Variants in SLC24A2 observed in about 807,000 individuals in gnomAD.
The protein encoded by SLC24A2 is sodium/potassium/calcium exchanger 2.
SLC24A2 carries 36 observed loss-of-function variants against 62.0 expected under a neutral mutation model. That is an observed-to-expected ratio of 0.58 (90% confidence interval 0.44 to 0.77). SLC24A2 has a LOEUF of 0.77. Ranked by LOEUF, SLC24A2 falls within the 30% of genes least tolerant of loss-of-function variation. SLC24A2 has a pLI of 0.00. For missense variants in SLC24A2, 846 were observed against 817.9 expected, an observed-to-expected ratio of 1.03 and a Z score of -0.42; for synonymous variants, 358 against 294.0, an observed-to-expected ratio of 1.22 and a Z score of -2.23.
At chr9:20,227,110 CGTT>C in the SLC24A2 span, among the ~76,000 whole-genome samples, 1 of 152,076 alleles carries the variant, frequency 6.6e-6, no homozygotes, top group African/African-American at 2.4e-5. Flanking sequence ...TTTATGCTCT[CGTT>C]GGCTCTGAAT....
At chr9:20,266,258 G>A in the SLC24A2 span, among the ~76,000 whole-genome samples, 8 of 152,050 alleles carry the variant, frequency 5.3e-5, no homozygotes, top group East Asian at 3.9e-4. Flanking sequence ...GGGGCATCAC[G>A]GAACCTACTG....
chr9:20,242,552 G>A, the SLC24A2 span, among the ~76,000 whole-genome samples: 1 of 152,182 alleles, frequency 6.6e-6, no homozygotes, highest in Non-Finnish European at 1.5e-5. Flanking sequence ...CAGCTTTCAA[G>A]GCTGTGAGTG....
chr9:19,543,609 C>G (rs1205858879), intron 8 of SLC24A2, among the ~76,000 whole-genome samples: 2 of 152,106 alleles, frequency 1.3e-5, no homozygotes, highest in East Asian at 1.9e-4. Flanking sequence ...TTAAATGTGT[C>G]CCAGAGATTG....
chr9:20,176,865 A>G, the SLC24A2 span, among the ~76,000 whole-genome samples: 1 of 152,130 alleles, frequency 6.6e-6, no homozygotes, highest in African/African-American at 2.4e-5. Flanking sequence ...AAGCTTTAGA[A>G]TTCTGAGAAA....
chr9:20,133,130 G>T, the SLC24A2 span, among the ~76,000 whole-genome samples: 2 of 152,126 alleles, frequency 1.3e-5, no homozygotes, highest in South Asian at 4.1e-4. Context: ...TAGGGCAGAG[G>T]ATTTTCCCTT....
chr9:20,209,089 T>G, the SLC24A2 span, among the ~76,000 whole-genome samples: 3 of 152,218 alleles, frequency 2.0e-5, no homozygotes, highest in Non-Finnish European at 4.4e-5. Flanking sequence ...GCTGTGAGCA[T>G]TAAATGTGAT....
intron 8 of SLC24A2, among the ~76,000 whole-genome samples, chr9:19,535,120 CT>C (rs542739014): frequency 2.0e-4 from 30 of 152,030 alleles, no homozygotes; most frequent in East Asian, 5.8e-4. Context: ...TGATGATGAG[CT>C]TTTTTTTCAT....
intron 2 of SLC24A2, among the ~76,000 whole-genome samples, chr9:19,676,873 CAA>C (rs1405050172): frequency 1.3e-5 from 2 of 152,072 alleles, no homozygotes; most frequent in Non-Finnish European, 2.9e-5. Flanking sequence ...AGTTTTTCTT[CAA>C]AGAGATACCA....
chr9:19,964,168 A>T, the SLC24A2 span, among the ~76,000 whole-genome samples: 99 of 138,070 alleles, frequency 7.2e-4, no homozygotes, highest in Middle Eastern at 3.8e-3. Context: ...GAATTGAACA[A>T]TGAGACCACA....
At chr9:20,089,283 G>A in the SLC24A2 span, among the ~76,000 whole-genome samples, 47 of 152,178 alleles carry the variant, frequency 3.1e-4, no homozygotes, top group African/African-American at 9.9e-4. Flanking sequence ...CCCGGTCCCG[G>A]TCCACACTTC....
the SLC24A2 span, among the ~76,000 whole-genome samples, chr9:20,282,880 T>A: frequency 6.6e-6 from 1 of 152,234 alleles, no homozygotes; most frequent in African/African-American, 2.4e-5. Context: ...AATACATGAC[T>A]CTGCAATGAA....
the SLC24A2 span, among the ~76,000 whole-genome samples, chr9:19,996,657 G>C: frequency 6.7e-6 from 1 of 150,324 alleles, no homozygotes; most frequent in African/African-American, 2.5e-5. Context: ...GAGGAGAATC[G>C]CTTGAACCTG....
intron 10 of SLC24A2, among the ~76,000 whole-genome samples, chr9:19,519,534 C>T (rs960499292): frequency 2.0e-5 from 3 of 152,304 alleles, no homozygotes; most frequent in African/African-American, 7.2e-5. Context: ...GTAGGTACAA[C>T]TTCCTTTAAA....
chr9:19,621,743 G>GT (rs2079213818), intron 3 of SLC24A2, among the ~76,000 whole-genome samples: 7 of 152,214 alleles, frequency 4.6e-5, no homozygotes, highest in Admixed American at 3.3e-4. Context: ...AAGAACTCTG[G>GT]TGTGGAGATC....
the SLC24A2 span, among the ~76,000 whole-genome samples, chr9:20,106,279 G>T: frequency 6.6e-6 from 1 of 152,230 alleles, no homozygotes; most frequent in East Asian, 1.9e-4. Flanking sequence ...ACAAGGAGGA[G>T]CCAGTACCAT....
chr9:20,274,905 C>T, the SLC24A2 span, among the ~76,000 whole-genome samples: 2 of 152,100 alleles, frequency 1.3e-5, no homozygotes, highest in Admixed American at 1.3e-4. Context: ...CTCTCCCAGC[C>T]ACTGTCTAGC....
chr9:19,726,636 A>T (rs1002786189), intron 2 of SLC24A2, among the ~76,000 whole-genome samples: 6 of 152,190 alleles, frequency 3.9e-5, no homozygotes, highest in African/African-American at 1.4e-4. Flanking sequence ...CCTGTTGGCT[A>T]ATACAATTAT....
At chr9:20,243,510 T>G in the SLC24A2 span, among the ~76,000 whole-genome samples, 59 of 152,312 alleles carry the variant, frequency 3.9e-4, no homozygotes, top group African/African-American at 1.3e-3. Context: ...ATTATAAGCA[T>G]CATCCTCAGT....
intron 4 of SLC24A2, among the ~76,000 whole-genome samples, chr9:19,602,707 C>A (rs1438342935): frequency 6.6e-6 from 1 of 152,112 alleles, no homozygotes; most frequent in African/African-American, 2.4e-5. Flanking sequence ...TGGGTTTGAA[C>A]CCAGCTCCAT....
Sources: allele counts gnomAD v4.1 joint callset (sites outside exome capture counted in the v4.1 genomes callset), GRCh38; gene constraint gnomAD v4.1.1; transcripts MANE v1.5; gene names NCBI Gene and HGNC (gene_info 2026-07-23, HGNC 2026-07-21).